Variants in NIBAN1 observed in about 807,000 individuals in gnomAD.
NIBAN1 encodes niban apoptosis regulator 1, also known as protein Niban 1.
NIBAN1 carries 81 observed loss-of-function variants against 75.1 expected under a neutral mutation model. The ratio of observed to expected loss-of-function variants is 1.08; its 90% CI spans 0.90 to 1.30. The LOEUF (loss-of-function observed/expected upper bound fraction) is 1.30. NIBAN1 is among the 50% of genes most tolerant of loss of function. The probability of loss-of-function intolerance (pLI) is 0.00; values close to 1 mark genes in which losing one functional copy is unlikely to be tolerated. For synonymous variants in NIBAN1, 436 were observed against 424.8 expected (o/e 1.03, Z -0.32); for missense variants, 1,133 against 1,128.1 (o/e 1.00, Z -0.06).
intron 8 of NIBAN1, among the ~76,000 whole-genome samples, chr1:184,820,472 C>G (rs1056909171): frequency 1.3e-5 from 2 of 152,220 alleles, no homozygotes; most frequent in Non-Finnish European, 2.9e-5. Flanking sequence ...TCCTACTCCT[C>G]TCTTCAAGGC....
At chr1:184,870,914 T>A (rs535569065) in intron 5 of NIBAN1, among the ~76,000 whole-genome samples, 1 of 152,288 alleles carries the variant, frequency 6.6e-6, no homozygotes, top group Admixed American at 6.5e-5. Flanking sequence ...AATTCATACG[T>A]TGAAATCTTG....
intron 5 of NIBAN1, among the ~76,000 whole-genome samples, chr1:184,869,834 G>A (rs960293435): frequency 3.3e-5 from 5 of 152,008 alleles, no homozygotes; most frequent in Non-Finnish European, 4.4e-5. Context: ...GAGCCACTGC[G>A]CTCGGCCCAC....
chr1:184,921,309 T>G (rs560666458), intron 1 of NIBAN1, among the ~76,000 whole-genome samples: 1 of 151,930 alleles, frequency 6.6e-6, no homozygotes, highest in South Asian at 2.1e-4. Flanking sequence ...AAAAAAAAAT[T>G]TGTAAAACAT....
Position 184,845,764 on chromosome 1 carries a change from T to C in NIBAN1, c.602-13802A>G, listed in dbSNP as rs1488739315. Among the ~76,000 whole-genome samples the C allele has an allele frequency of 3.3e-4, 28 of 84,968 alleles. 11 individuals carry two copies. Among genetic ancestry groups the C allele is most frequent in the Middle Eastern group, 6.0e-3 (1 of 168 alleles). The allele number at this position is 84,968 out of a possible 152,430, so 55.7% of individuals were successfully genotyped here. On this transcript the variant is annotated intron_variant, in intron 5 of 13. Coordinates refer to ENST00000367511, the MANE Select transcript of NIBAN1 (RefSeq NM_052966.4). ...GACAGTGGGCGCAGGCCAGTGTGTG[T>C]GCGCACCGTGCGCGAGCCGAAGCAG...
At chr1:184,961,448 C>G (rs955093704) in intron 1 of NIBAN1, among the ~76,000 whole-genome samples, 6 of 152,302 alleles carry the variant, frequency 3.9e-5, no homozygotes, top group Admixed American at 3.9e-4. Context: ...CTGAATACCA[C>G]AGCCAAGTCT....
chr1:184,824,644 G>A (rs866250803), intron 6 of NIBAN1, among the ~76,000 whole-genome samples: 4 of 152,196 alleles, frequency 2.6e-5, no homozygotes, highest in Admixed American at 6.5e-5. Context: ...AAGTGTGTGC[G>A]TTTTTGATAA....
chr1:184,972,325 C>G (rs77413788), intron 1 of NIBAN1, among the ~76,000 whole-genome samples: 23 of 152,254 alleles, frequency 1.5e-4, no homozygotes, highest in African/African-American at 5.5e-4. Context: ...AAAAAATGGG[C>G]AAAGAGGTAA....
chr1:184,946,766 A>T (rs1361864782), intron 1 of NIBAN1, among the ~76,000 whole-genome samples: 1 of 152,210 alleles, frequency 6.6e-6, no homozygotes, highest in Admixed American at 6.5e-5. Flanking sequence ...AGAAATCTGG[A>T]ACAACAGGAA....
intron 2 of NIBAN1, among the ~76,000 whole-genome samples, chr1:184,897,695 C>T (rs1010403361): frequency 6.6e-6 from 1 of 152,188 alleles, no homozygotes; most frequent in Non-Finnish European, 1.5e-5. Flanking sequence ...AAAGGGAACT[C>T]GTGATCCCAT....
intron 1 of NIBAN1, among the ~76,000 whole-genome samples, chr1:184,967,443 T>C (rs906652254): frequency 6.6e-6 from 1 of 152,294 alleles, no homozygotes; most frequent in Middle Eastern, 3.4e-3. Context: ...AAAATTAAAA[T>C]TTCTGATTAG....
At chr1:184,914,036 G>A (rs1285204131) in intron 1 of NIBAN1, among the ~76,000 whole-genome samples, 1 of 152,158 alleles carries the variant, frequency 6.6e-6, no homozygotes, top group South Asian at 2.1e-4. Flanking sequence ...AGACATCTAG[G>A]CTTTCAGAAA....
chr1:184,831,126 A>G (rs954847645), intron 6 of NIBAN1, among the ~76,000 whole-genome samples: 4 of 152,138 alleles, frequency 2.6e-5, no homozygotes, highest in Admixed American at 1.3e-4. Flanking sequence ...TCACATCACA[A>G]AGCAGTTTCC....
intron 1 of NIBAN1, among the ~76,000 whole-genome samples, chr1:184,903,068 A>T (rs4651236): frequency 0.38 from 57,783 of 152,132 alleles, 11,524 homozygotes; most frequent in East Asian, 0.53. Context: ...AAGATTCTTG[A>T]GCACTGAATT....
At position 184,800,817 on chromosome 1, in the gene NIBAN1, G is replaced by A. The variant is rs567010261; in HGVS notation, c.1555-2627C>T. 2.0e-4 allele frequency among the ~76,000 whole-genome samples: 31 copies of A among 152,300 alleles called. No homozygotes were observed. The Middle Eastern group carries it at 0.01, about 50-fold the overall frequency. ...TAAAAGTGAAGTTGTTGGGTCATAGGGTAGATGTATGCTTAACTTTATCAG... is the reference window on the plus strand; with the variant it reads ...TAAAAGTGAAGTTGTTGGGTCATAGAGTAGATGTATGCTTAACTTTATCAG... On this transcript the variant is annotated intron_variant, in intron 12 of 13. Coordinates refer to ENST00000367511, the MANE Select transcript of NIBAN1 (RefSeq NM_052966.4).
At position 184,798,100 on chromosome 1, in the gene NIBAN1, G is replaced by A; in HGVS notation, c.1645C>T (p.Leu549=). The change falls in exon 13 of 14, where the codon CTG becomes TTG. Residue 549 remains leucine, a synonymous_variant. Transcript: ENST00000367511. ...NVYEEILHQI[L]LDETLKVIKE... ...TTACCTTTCAGAGTTTCATCAAGCA[G>A]GATCTGATGTAAAATCTCCTCATAG... The A allele has an allele frequency of 1.2e-6, 2 of 1,610,362 alleles. No homozygotes were observed. The highest frequency in any genetic ancestry group is 1.7e-6 in the Non-Finnish European group (2 of 1,177,280).
chr1:184,940,618 G>A (rs979698719), intron 1 of NIBAN1, among the ~76,000 whole-genome samples: 2 of 152,204 alleles, frequency 1.3e-5, no homozygotes, highest in Non-Finnish European at 2.9e-5. Flanking sequence ...GGGCTAGGGG[G>A]AGAACTAGTG....
Position 184,823,316 on chromosome 1 carries a change from G to T in NIBAN1, c.836C>A (p.Ala279Asp), listed in dbSNP as rs145647496. The change falls in exon 8 of 14, where the codon GCC (alanine) becomes GAC (aspartate). Residue 279 changes from alanine (A) to aspartate (D), a missense_variant. Ala to Asp is a moderately radical substitution (Grantham distance 126, BLOSUM62 -2). Transcript: ENST00000367511. ...KRTWLGLLEE[A>D]YTLVQHQVSE... is the part of the protein sequence containing the mutation. ...AACTTGATGCTGAACCAGGGTGTAG[G>T]CCTCCTCGAGGAGCTGCAACAAGGA... The T allele has an allele frequency of 9.5e-5, 154 of 1,613,882 alleles. No homozygotes were observed. The highest frequency in any genetic ancestry group is 1.1e-4 in the Non-Finnish European group (135 of 1,180,002).
intron 4 of NIBAN1, among the ~76,000 whole-genome samples, chr1:184,886,073 T>C (rs747764478): frequency 1.3e-5 from 2 of 152,096 alleles, no homozygotes; most frequent in Non-Finnish European, 2.9e-5. Flanking sequence ...CTACAGTCCA[T>C]AGAACCCTCT....
chr1:184,918,820 T>C (rs1657458189), intron 1 of NIBAN1, among the ~76,000 whole-genome samples: 1 of 152,218 alleles, frequency 6.6e-6, no homozygotes, highest in South Asian at 2.1e-4. Context: ...GCATTGCTCA[T>C]CTTTGTTCCT....
Sources: allele counts gnomAD v4.1 joint callset (sites outside exome capture counted in the v4.1 genomes callset), GRCh38; gene constraint gnomAD v4.1.1; transcripts MANE v1.5; gene names NCBI Gene and HGNC (gene_info 2026-07-23, HGNC 2026-07-21).